ABCA9: variants seen among roughly 807,000 people sequenced by gnomAD.
ABCA9 encodes ATP-binding cassette sub-family A member 9.
ABCA9 carries 183 observed loss-of-function variants against 205.3 expected under a neutral mutation model. The ratio of observed to expected loss-of-function variants is 0.89; its 90% confidence interval spans 0.79 to 1.01. The LOEUF (loss-of-function observed/expected upper bound fraction) is 1.01. ABCA9 is among the 50% of genes least tolerant of loss of function. The pLI is 0.00. For missense variants in ABCA9, 1,805 were observed against 1,912.4 expected (o/e 0.94, Z 1.05); for synonymous variants, 651 against 683.3 (o/e 0.95, Z 0.74).
upstream of ABCA9, among the ~76,000 whole-genome samples, chr17:69,062,790 G>A (rs887282762): frequency 2.0e-5 from 3 of 152,174 alleles, no homozygotes; most frequent in African/African-American, 7.2e-5. Flanking sequence ...TGGGATTACA[G>A]GCAGAAGCCA....
At chr17:68,992,401 C>T (rs2069481061) in intron 27 of ABCA9, 135 bp from the exon 28 acceptor site, 1 of 555,538 alleles carries the variant, frequency 1.8e-6, no homozygotes, top group Non-Finnish European at 3.1e-6. Flanking sequence ...TGAAAGACAA[C>T]CTGTAATATT....
chr17:68,982,266 C>T (rs1216339365), intron 37 of ABCA9, among the ~76,000 whole-genome samples: 4 of 152,110 alleles, frequency 2.6e-5, no homozygotes, highest in African/African-American at 9.7e-5. Context: ...TTTGACTGAT[C>T]ACTCTTTCCT....
At chr17:69,078,062 CA>C in the ABCA9 span, among the ~76,000 whole-genome samples, 1 of 151,896 alleles carries the variant, frequency 6.6e-6, no homozygotes, top group African/African-American at 2.4e-5. Context: ...TAAGAGTATG[CA>C]AAATTTAAAA....
Position 69,021,818 on chromosome 17 carries a change from C to T in ABCA9, c.2325G>A (p.Glu775=), listed in dbSNP as rs2070819197. The T allele has an allele frequency of 1.3e-6, 2 of 1,595,094 alleles. No homozygotes were observed. Among genetic ancestry groups the T allele is most frequent in the East Asian group, 4.5e-5 (2 of 44,160 alleles). ...AAGTTGTTATGGAAACACCATAATC[C>T]TCAATGCCTTGGTTAGAACATCTAT... is the stretch of plus-strand genomic sequence containing the variant. ...DLDRCSNQGI[E]DYGVSITTLN... The change falls in exon 18 of 39, where the codon GAG becomes GAA. Residue 775 remains glutamate (E), a synonymous_variant. Transcript: ENST00000340001.
rs151185383 is a variant in ABCA9 at position 68,996,179 on chromosome 17, A to T, written c.3436-165T>A. Among the ~76,000 whole-genome samples the T allele has an allele frequency of 2.1e-3, 314 of 152,318 alleles. 2 individuals are homozygous for T. The highest frequency in any genetic ancestry group is 6.9e-3 in the African/African-American group (285 of 41,578). ...CCTTTGCAACATGGAATTTCATCAC[A>T]GTTTTGTATGGGATTTATTATTAAT... On this transcript the variant is annotated intron_variant, in intron 25 of 38. Coordinates refer to ENST00000340001, the MANE Select transcript of ABCA9 (RefSeq NM_080283.4).
chr17:69,078,388 G>A, the ABCA9 span, among the ~76,000 whole-genome samples: 65 of 152,164 alleles, frequency 4.3e-4, 1 homozygote, highest in East Asian at 0.01. Context: ...TATTAGAGAT[G>A]GAGTTTCACC....
At chr17:69,038,823 G>C (rs150854447) in intron 6 of ABCA9, among the ~76,000 whole-genome samples, 1 of 152,046 alleles carries the variant, frequency 6.6e-6, no homozygotes, top group Non-Finnish European at 1.5e-5. Context: ...AATCTCCATC[G>C]TCTCAGCCCA....
chr17:69,035,250 G>T lies in ABCA9; in HGVS notation c.1124C>A (p.Ala375Asp). 1 of 1,567,926 alleles carries T rather than the reference G, an allele frequency of 6.4e-7. No homozygotes were observed. The highest frequency in any genetic ancestry group is 8.6e-7 in the Non-Finnish European group (1 of 1,159,892). ...AAGTGTTACCTTAACTCTTACCTGG[G>T]CCATCCCAACAGTGAAGGCAAAGGG... ...LSPFAFTVGM[A>D]QLIHLDYDVN... Residue 375 changes from alanine to aspartate, a missense_variant, in exon 8 of 39, where the codon GCC becomes GAC. Coordinates refer to ENST00000340001, the MANE Select transcript of ABCA9 (RefSeq NM_080283.4).
intron 1 of ABCA9, among the ~76,000 whole-genome samples, chr17:69,054,872 C>A (rs754843758): frequency 6.6e-6 from 1 of 151,662 alleles, no homozygotes; most frequent in Non-Finnish European, 1.5e-5. Context: ...TAGTGTTATT[C>A]GAAAGTTGAC....
intron 27 of ABCA9, 118 bp downstream of exon 27, chr17:68,992,898 T>TGCATGCATG: frequency 4.1e-6 from 3 of 726,178 alleles, no homozygotes; most frequent in Non-Finnish European, 6.9e-6. Flanking sequence ...CATGTGTGTG[T>TGCATGCATG]TGCTTCAAAT....
chr17:68,993,156 T>C (rs1013376583), intron 26 of ABCA9, 72 bp from the exon 27 acceptor site: 150 of 1,252,602 alleles, frequency 1.2e-4, no homozygotes, highest in Non-Finnish European at 9.0e-5. Flanking sequence ...CCACTTAAGA[T>C]AAACTGATGC....
At chr17:68,998,885 T>C (rs1340403520) in intron 25 of ABCA9, among the ~76,000 whole-genome samples, 18 of 152,082 alleles carry the variant, frequency 1.2e-4, no homozygotes, top group Non-Finnish European at 1.5e-5. Flanking sequence ...GCTTTTGTCT[T>C]ATTAAATGTG....
chr17:69,043,121 G>A (rs534066129), intron 6 of ABCA9: 29 of 174,424 alleles, frequency 1.7e-4, no homozygotes, highest in East Asian at 6.6e-4. Context: ...TAAAGAGCCC[G>A]CAACCTAGAT....
intron 31 of ABCA9, among the ~76,000 whole-genome samples, chr17:68,987,993 AC>A (rs2069302796): frequency 6.6e-6 from 1 of 151,966 alleles, no homozygotes; most frequent in Admixed American, 6.6e-5. Flanking sequence ...CTAACTCCTG[AC>A]CTCAGGTGAT....
chr17:69,002,107 T>A (rs1176154692), intron 25 of ABCA9, among the ~76,000 whole-genome samples: 2 of 149,614 alleles, frequency 1.3e-5, no homozygotes, highest in Admixed American at 1.3e-4. Context: ...TTTTTTTGTG[T>A]CTCTATTTCC....
At chr17:68,984,211 G>A in intron 34 of ABCA9, 36 bp from the exon 35 acceptor site, 1 of 1,608,718 alleles carries the variant, frequency 6.2e-7, no homozygotes, top group South Asian at 1.1e-5. Context: ...GAACTCATGG[G>A]AATGCTCAAG....
Position 69,032,242 on chromosome 17 carries a change from G to A in ABCA9, c.1311C>T (p.Phe437=), listed in dbSNP as rs542953429. 3 of 1,613,812 alleles carry A rather than the reference G, an allele frequency of 1.9e-6. No homozygotes were observed. Among genetic ancestry groups the A allele is most frequent in the Middle Eastern group, 1.7e-4 (1 of 6,056 alleles). Residue 437 remains phenylalanine, a synonymous_variant, in exon 10 of 39, where the codon TTC becomes TTT. Coordinates refer to ENST00000340001, the MANE Select transcript of ABCA9 (RefSeq NM_080283.4). The part of the protein sequence containing the change: ...EYGHRCSPLF[F]LKSCFWFQHG... ...GTTGAAACCAAAAACAGGATTTCAG[G>A]AAAAACAAGGGAGAACATCGATGTC...
At chr17:69,002,714 G>A (rs1482809101) in intron 25 of ABCA9, among the ~76,000 whole-genome samples, 3 of 146,820 alleles carry the variant, frequency 2.0e-5, no homozygotes, top group Non-Finnish European at 4.5e-5. Context: ...GTTGACAGTG[G>A]GGTGTTAAAG....
chr17:69,064,825 C>A (rs984407952), upstream of ABCA9, among the ~76,000 whole-genome samples: 2 of 152,200 alleles, frequency 1.3e-5, no homozygotes, highest in East Asian at 3.9e-4. Context: ...TTAGTGGTGT[C>A]AAGCATATTT....
Sources: gnomAD v4.1 joint callset for allele counts (sites outside exome capture counted in the v4.1 genomes callset) on GRCh38, gnomAD v4.1.1 for gene constraint, MANE v1.5 for transcripts, NCBI Gene and HGNC (gene_info 2026-07-23, HGNC 2026-07-21) for gene names.